FGD6: variants seen among roughly 807,000 people sequenced by gnomAD.
The protein encoded by FGD6 is FYVE, RhoGEF and PH domain-containing protein 6.
A neutral mutation model predicts 149.4 loss-of-function variants in FGD6; 90 were observed. The observed-to-expected ratio is 0.60, with a 90% confidence interval of 0.51 to 0.72. FGD6 has a LOEUF of 0.72. Among genes scored for constraint, FGD6 ranks in the 30% least tolerant of loss-of-function variants. The pLI is 0.00. For missense variants in FGD6, 1,437 were observed against 1,684.8 expected (o/e 0.85, Z 2.57); for synonymous variants, 527 against 584.0 (o/e 0.90, Z 1.41).
chr12:95,081,557 C>G lies in FGD6; in HGVS notation c.4257-1G>C. The G allele has an allele frequency of 6.2e-7, 1 of 1,603,086 alleles. No homozygotes were observed. The highest frequency in any genetic ancestry group is 8.5e-7 in the Non-Finnish European group (1 of 1,174,812). ...GCCTTCCTGAAATGCTTCTATCCACCTATTGATAAGAGAAATCGGTTAGAT... is the reference window on the plus strand; with the variant it reads ...GCCTTCCTGAAATGCTTCTATCCACGTATTGATAAGAGAAATCGGTTAGAT... On this transcript the variant is annotated splice_acceptor_variant, in intron 20 of 20. Coordinates refer to ENST00000343958, the MANE Select transcript of FGD6 (RefSeq NM_018351.4). LOFTEE classifies it high-confidence loss of function.
chr12:95,093,405 C>T (rs573150269), intron 15 of FGD6, among the ~76,000 whole-genome samples: 24 of 152,070 alleles, frequency 1.6e-4, no homozygotes, highest in Non-Finnish European at 2.9e-4. Flanking sequence ...AATTGCCAGG[C>T]GCGGTGGCTC....
chr12:95,076,818 T>C lies in FGD6; in HGVS notation c.*4702A>G, dbSNP rs1170291049. On this transcript the variant is annotated 3_prime_UTR_variant, in exon 21 of 21. Coordinates refer to ENST00000343958, the MANE Select transcript of FGD6 (RefSeq NM_018351.4). The stretch of plus-strand genomic sequence containing the variant: ...TTTACAATGCTAATTTTTTTATTTA[T>C]AAAGTATATATGGACAAAAAGATAC... The C allele has an allele frequency of 2.6e-5, 2 of 77,888 alleles. No individual in the cohort carries two copies. Among genetic ancestry groups the C allele is most frequent in the African/African-American group, 1.0e-4 (2 of 19,664 alleles). 4.8% of individuals were successfully genotyped at this position (77,888 alleles called of 1,614,324 possible). A position where few individuals can be genotyped will look rare whatever the true frequency, so the allele number is the denominator to read the frequency against.
At chr12:95,191,902 A>AT (rs1257007186) in intron 2 of FGD6, among the ~76,000 whole-genome samples, 4 of 151,746 alleles carry the variant, frequency 2.6e-5, no homozygotes, top group African/African-American at 7.3e-5. Context: ...CGCCTGGCTA[A>AT]TTTTTTTGTA....
At chr12:95,150,186 C>T (rs1880264605) in intron 5 of FGD6, among the ~76,000 whole-genome samples, 1 of 151,816 alleles carries the variant, frequency 6.6e-6, no homozygotes, top group Non-Finnish European at 1.5e-5. Context: ...TGCCACCACG[C>T]CCGGCTAATT....
chr12:95,083,170 T>C (rs573041846), intron 20 of FGD6, among the ~76,000 whole-genome samples: 2 of 150,912 alleles, frequency 1.3e-5, no homozygotes, highest in African/African-American at 4.9e-5. Flanking sequence ...TTTCAAAAAT[T>C]TAATATTGAA....
chr12:95,173,486 C>T (rs1565915696), intron 2 of FGD6, among the ~76,000 whole-genome samples: 1 of 152,124 alleles, frequency 6.6e-6, no homozygotes. Flanking sequence ...GGCCATTTAC[C>T]AATTCCTCCT....
intron 2 of FGD6, among the ~76,000 whole-genome samples, chr12:95,199,408 T>G (rs1452513450): frequency 6.6e-6 from 1 of 152,316 alleles, no homozygotes; most frequent in South Asian, 2.1e-4. Flanking sequence ...AAATCCTTAT[T>G]TATTTTTTTC....
chr12:95,140,392 G>A (rs774018916), intron 6 of FGD6, among the ~76,000 whole-genome samples: 28 of 152,154 alleles, frequency 1.8e-4, no homozygotes, highest in Admixed American at 1.8e-3. Context: ...AGGCCAAGGC[G>A]GATCACCTGA....
chr12:95,089,398 G>A (rs773720913), intron 18 of FGD6, among the ~76,000 whole-genome samples, 171 bp downstream of exon 18: 9 of 152,160 alleles, frequency 5.9e-5, no homozygotes, highest in Non-Finnish European at 1.3e-4. Flanking sequence ...TAGGTCAGAC[G>A]GGAGACCAAG....
At chr12:95,123,931 T>TTG (rs1879262960) in intron 8 of FGD6, among the ~76,000 whole-genome samples, 1 of 149,990 alleles carries the variant, frequency 6.7e-6, no homozygotes. Context: ...TTTTCTTTTT[T>TTG]GGAGACAGGG....
rs1881029064 is a variant in FGD6, at chr12:95,172,718, T to C, written c.2468A>G (p.Asn823Ser). The C allele has an allele frequency of 6.2e-7, 1 of 1,612,416 alleles. No individual in the cohort carries two copies. Among genetic ancestry groups the C allele is most frequent in the East Asian group, 2.2e-5 (1 of 44,828 alleles). ...GGGAAGGTCACCAAGACCAAGATCATTCTGTTCCTCCTGGGATGCTCCTGA... is the reference window on the plus strand; with the variant it reads ...GGGAAGGTCACCAAGACCAAGATCACTCTGTTCCTCCTGGGATGCTCCTGA... ...SSSGASQEEQ[N>S]DLGLGDLPSD... The change falls in exon 3 of 21, where the codon AAT becomes AGT. Residue 823 changes from asparagine (N) to serine (S), a missense_variant. Physicochemically the swap from Asn to Ser is conservative, Grantham distance 46 (BLOSUM62 1). This residue lies in a region of FGD6 where 1,055 missense variants were observed against 1,146.0 expected (regional missense o/e 0.92). Coordinates refer to ENST00000343958, the MANE Select transcript of FGD6 (RefSeq NM_018351.4).
chr12:95,207,894 A>G (rs1477069941), intron 2 of FGD6, among the ~76,000 whole-genome samples: 1 of 152,182 alleles, frequency 6.6e-6, no homozygotes, highest in East Asian at 1.9e-4. Flanking sequence ...ATTATTGAGG[A>G]TGGGCACGAT....
intron 17 of FGD6, among the ~76,000 whole-genome samples, chr12:95,091,411 T>C (rs533993973): frequency 7.9e-4 from 120 of 152,368 alleles, no homozygotes; most frequent in Admixed American, 4.9e-3. Context: ...TGTGAAACTA[T>C]AGACTTCAAA....
chr12:95,195,747 G>T, intron 2 of FGD6, among the ~76,000 whole-genome samples: 1 of 101,416 alleles, frequency 9.9e-6, no homozygotes, highest in Admixed American at 1.1e-4. Context: ...TAGACTAGTG[G>T]TTGCCAGGGG....
chr12:95,123,623 G>A (rs577883491), intron 8 of FGD6, among the ~76,000 whole-genome samples: 50 of 150,542 alleles, frequency 3.3e-4, no homozygotes, highest in Admixed American at 2.3e-3. Context: ...CTACAGTGGC[G>A]CTATCTCTGC....
In FGD6 at chr12:95,111,964, T is replaced by G. The variant is rs1267030416; in HGVS notation, c.3133+1687A>C. Among the ~76,000 whole-genome samples the G allele has an allele frequency of 5.3e-5, 8 of 152,326 alleles. 1 individual carries two copies. In the East Asian group the frequency reaches 1.5e-3, roughly 29 times the overall value. Reference sequence around the variant, plus strand: ...AAGAATGTGATCAGGCCAGGTGTGGTGGCTCATGCCTGTAATCCCAGCACT... The same window carrying G: ...AAGAATGTGATCAGGCCAGGTGTGGGGGCTCATGCCTGTAATCCCAGCACT... On this transcript the variant is annotated intron_variant, in intron 9 of 20. Coordinates refer to ENST00000343958, the MANE Select transcript of FGD6 (RefSeq NM_018351.4).
intron 1 of FGD6, 70 bp downstream of exon 1, chr12:95,217,155 T>C: frequency 6.2e-7 from 1 of 1,602,452 alleles, no homozygotes; most frequent in Non-Finnish European, 8.5e-7. Context: ...CGAAGAAAGT[T>C]GCTCGCGAGC....
chr12:95,147,709 T>C (rs748056960), intron 5 of FGD6, among the ~76,000 whole-genome samples: 1 of 152,182 alleles, frequency 6.6e-6, no homozygotes, highest in Non-Finnish European at 1.5e-5. Context: ...TGGGTTATTT[T>C]TGACAGTTAG....
At chr12:95,201,009 C>G (rs1419637204) in intron 2 of FGD6, among the ~76,000 whole-genome samples, 1 of 151,690 alleles carries the variant, frequency 6.6e-6, no homozygotes, top group African/African-American at 2.4e-5. Context: ...CTGATATAAA[C>G]ATGTCTAGTC....
Sources: gnomAD v4.1 joint callset for allele counts (sites outside exome capture counted in the v4.1 genomes callset) on GRCh38, gnomAD v4.1.1 for gene constraint, gnomAD v4.1.1 regional missense constraint, MANE v1.5 for transcripts, NCBI Gene and HGNC (gene_info 2026-07-23, HGNC 2026-07-21) for gene names.